The following MCM9 variants were observed in gnomAD, a reference collection of about 807,000 sequenced individuals.
MCM9 encodes the protein DNA helicase MCM9.
A neutral mutation model predicts 72.8 loss-of-function variants in MCM9; 55 were observed. The ratio of observed to expected loss-of-function variants is 0.76; its 90% CI spans 0.61 to 0.95. MCM9 has a LOEUF of 0.95. MCM9 is among the 40% of genes least tolerant of loss of function. MCM9 has a pLI of 0.00. For missense variants in MCM9, 1,279 were observed against 1,377.0 expected, an observed-to-expected ratio of 0.93 and a Z score of 1.13; for synonymous variants, 480 against 503.4, an observed-to-expected ratio of 0.95 and a Z score of 0.62.
intron 9 of MCM9, among the ~76,000 whole-genome samples, chr6:118,831,583 T>C (rs896892285): frequency 1.3e-5 from 2 of 152,008 alleles, no homozygotes; most frequent in African/African-American, 4.8e-5. Flanking sequence ...GAAGACCATA[T>C]GTAAACCTGG....
rs752450552 is a variant in MCM9, at chr6:118,849,007, T to C, written c.1325+7364A>G. Among the ~76,000 whole-genome samples the C allele has an allele frequency of 2.0e-4, 31 of 151,806 alleles. 1 individual carries two copies. The highest frequency in any genetic ancestry group is 1.7e-3 in the Admixed American group (26 of 15,250). ...AATAAAACCGTTGACACCAAGCATA[T>C]TGATTATACCAATAAATGTAAGTGT... On this transcript the variant is annotated intron_variant, in intron 9 of 13. Transcript: ENST00000619706.
At chr6:118,912,329 CAGTT>C (rs781737271) in intron 7 of MCM9, 1 of 152,122 alleles carries the variant, frequency 6.6e-6, no homozygotes, top group Non-Finnish European at 1.5e-5. Flanking sequence ...ATGATTCTAA[CAGTT>C]AAGTGAAGAC....
intron 8 of MCM9, among the ~76,000 whole-genome samples, chr6:118,896,548 T>A (rs1779432260): frequency 6.6e-6 from 1 of 152,200 alleles, no homozygotes; most frequent in Non-Finnish European, 1.5e-5. Context: ...CCCAGCTGAA[T>A]CACATCAGGG....
At chr6:118,818,444 T>C (rs1263919893) in intron 13 of MCM9, among the ~76,000 whole-genome samples, 1 of 152,184 alleles carries the variant, frequency 6.6e-6, no homozygotes, top group Non-Finnish European at 1.5e-5. Context: ...GTTGTAGATG[T>C]GTGGTGTTAT....
intron 8 of MCM9, among the ~76,000 whole-genome samples, chr6:118,894,803 G>A (rs1278742852): frequency 1.3e-5 from 2 of 152,218 alleles, no homozygotes; most frequent in Non-Finnish European, 2.9e-5. Context: ...GCAGCTCGGA[G>A]ACCCGCACTC....
chr6:118,836,746 A>G (rs192497156), intron 9 of MCM9, among the ~76,000 whole-genome samples: 135 of 151,900 alleles, frequency 8.9e-4, no homozygotes, highest in African/African-American at 3.2e-3. Flanking sequence ...TTTCTTCTTC[A>G]TTAGTCTGGC....
At position 118,881,158 on chromosome 6, in the gene MCM9, G is replaced by A. The variant is rs557138797; in HGVS notation, c.1151-24613C>T. ...TTGAAATCATGCAAAGCAAAACCCC[G>A]GATGAACTACTGCATGCACTAAAGT... is the stretch of plus-strand genomic sequence containing the variant. On this transcript the variant is annotated intron_variant, in intron 8 of 13. Coordinates refer to ENST00000619706, the MANE Select transcript of MCM9 (RefSeq NM_017696.3). Among the ~76,000 whole-genome samples, 5 of 152,188 alleles carry A rather than the reference G, an allele frequency of 3.3e-5. No homozygotes were observed. The East Asian group carries it at 7.7e-4, about 23-fold the overall frequency.
intron 9 of MCM9, among the ~76,000 whole-genome samples, chr6:118,838,231 C>T (rs971607609): frequency 4.7e-5 from 7 of 148,872 alleles, no homozygotes; most frequent in East Asian, 2.0e-4. Flanking sequence ...GCAGCGATCT[C>T]GGCTCACTTC....
At chr6:118,886,055 C>CAAAAAAAAAAAA (rs36183265) in intron 8 of MCM9, among the ~76,000 whole-genome samples, 1 of 142,900 alleles carries the variant, frequency 7.0e-6, no homozygotes, top group Non-Finnish European at 1.5e-5. Context: ...AATAAGGGAC[C>CAAAAAAAAAAAA]AAAAAAAAAA....
intron 8 of MCM9, among the ~76,000 whole-genome samples, chr6:118,889,167 T>C (rs143590777): frequency 3.9e-4 from 59 of 152,322 alleles, no homozygotes; most frequent in Non-Finnish European, 7.5e-4. Context: ...GCATGCCGGA[T>C]TCAAAGCCTT....
At chr6:118,877,983 G>A (rs1778045145) in intron 8 of MCM9, among the ~76,000 whole-genome samples, 1 of 152,092 alleles carries the variant, frequency 6.6e-6, no homozygotes, top group African/African-American at 2.4e-5. Context: ...GCAACAGAGT[G>A]AGAGTTCATC....
chr6:118,929,376 C>T (rs1053008075), intron 3 of MCM9, among the ~76,000 whole-genome samples: 1 of 152,174 alleles, frequency 6.6e-6, no homozygotes, highest in Non-Finnish European at 1.5e-5. Flanking sequence ...GTCTGCCATA[C>T]AGCCCTGAGT....
At chr6:118,816,362 C>T in intron 13 of MCM9, 68 bp from the exon 14 acceptor site, 2 of 1,338,690 alleles carry the variant, frequency 1.5e-6, no homozygotes, top group Non-Finnish European at 2.0e-6. Context: ...CTATTCATTT[C>T]TTTAGTCTCT....
At chr6:118,838,145 T>C (rs1481528790) in intron 9 of MCM9, among the ~76,000 whole-genome samples, 2 of 151,704 alleles carry the variant, frequency 1.3e-5, no homozygotes, top group African/African-American at 4.9e-5. Context: ...ATGTTAAATT[T>C]TGGGTTGAAA....
At chr6:118,907,077 A>G (rs1460368129) in intron 8 of MCM9, among the ~76,000 whole-genome samples, 1 of 152,224 alleles carries the variant, frequency 6.6e-6, no homozygotes, top group Non-Finnish European at 1.5e-5. Context: ...TAAATAAAGC[A>G]TCTTCTGAAG....
chr6:118,896,448 G>T (rs1779420789), intron 8 of MCM9, among the ~76,000 whole-genome samples: 1 of 152,134 alleles, frequency 6.6e-6, no homozygotes, highest in Non-Finnish European at 1.5e-5. Flanking sequence ...GATGACTCAG[G>T]ATGTCGTTAC....
At chr6:118,847,657 A>G (rs895534754) in intron 9 of MCM9, among the ~76,000 whole-genome samples, 20 of 151,828 alleles carry the variant, frequency 1.3e-4, no homozygotes, top group Non-Finnish European at 1.3e-4. Context: ...CAAAACAAAG[A>G]ACTGAACTAG....
chr6:118,915,370 G>C (rs1239527894), intron 6 of MCM9, among the ~76,000 whole-genome samples: 2 of 152,176 alleles, frequency 1.3e-5, no homozygotes, highest in African/African-American at 4.8e-5. Flanking sequence ...TCAATGAAGA[G>C]AACTTAGTAG....
chr6:118,927,429 C>G (rs1227065044), intron 3 of MCM9, among the ~76,000 whole-genome samples: 2 of 152,078 alleles, frequency 1.3e-5, no homozygotes, highest in South Asian at 4.2e-4. Flanking sequence ...CATGGAGAAA[C>G]CCCATCTCTA....
Sources: gnomAD v4.1 joint callset for allele counts (sites outside exome capture counted in the v4.1 genomes callset) on GRCh38, gnomAD v4.1.1 for gene constraint, MANE v1.5 for transcripts, NCBI Gene and HGNC (gene_info 2026-07-23, HGNC 2026-07-21) for gene names.